The following ZNG1B variants were observed in gnomAD, a reference collection of about 807,000 sequenced individuals.
ZNG1B encodes zinc-regulated GTPase metalloprotein activator 1B.
the ZNG1B span, among the ~76,000 whole-genome samples, chr2:113,471,965 C>T: frequency 6.6e-6 from 1 of 151,900 alleles, no homozygotes; most frequent in African/African-American, 2.4e-5. Context: ...GTCTTTATAG[C>T]AGCATGATTT....
At chr2:113,469,208 ATC>A in the ZNG1B span, 1 of 152,064 alleles carries the variant, frequency 6.6e-6, no homozygotes, top group Non-Finnish European at 1.5e-5. Context: ...CGGTGGTGCG[ATC>A]TCGGCTCACT....
At chr2:113,466,786 T>C in the ZNG1B span, 2 of 956,642 alleles carry the variant, frequency 2.1e-6, no homozygotes, top group Admixed American at 1.2e-4. Flanking sequence ...AGATTTGGGC[T>C]GGGCGCGGTG....
At chr2:113,475,571 T>A in the ZNG1B span, among the ~76,000 whole-genome samples, 1 of 152,000 alleles carries the variant, frequency 6.6e-6, no homozygotes, top group Non-Finnish European at 1.5e-5. Flanking sequence ...GTTGATGCAG[T>A]TTCTTCCTAG....
the ZNG1B span, chr2:113,439,185 G>A: frequency 7.8e-7 from 1 of 1,284,492 alleles, no homozygotes; most frequent in Non-Finnish European, 1.1e-6. Context: ...CAGCAACCTT[G>A]TTGCTGAATC....
the ZNG1B span, among the ~76,000 whole-genome samples, chr2:113,461,253 A>T: frequency 1.3e-5 from 2 of 149,196 alleles, no homozygotes; most frequent in Non-Finnish European, 3.0e-5. Flanking sequence ...TTTTATTTTT[A>T]TTTTTTTTAG....
the ZNG1B span, among the ~76,000 whole-genome samples, chr2:113,493,056 C>G: frequency 1.6e-5 from 2 of 127,296 alleles, no homozygotes; most frequent in African/African-American, 2.9e-5. Flanking sequence ...AGAGATTTAT[C>G]AAGATAAAGA....
At chr2:113,452,996 T>C in the ZNG1B span, 515 of 1,436,982 alleles carry the variant, frequency 3.6e-4, 7 homozygotes, top group East Asian at 0.012. Context: ...CTATAAATAG[T>C]GAAAGCTTCT....
At chr2:113,474,881 C>T in the ZNG1B span, among the ~76,000 whole-genome samples, 1 of 150,814 alleles carries the variant, frequency 6.6e-6, no homozygotes, top group South Asian at 2.1e-4. Context: ...TGTTCTTTTA[C>T]ATTTGCTGAG....
the ZNG1B span, among the ~76,000 whole-genome samples, chr2:113,472,938 C>T: frequency 6.6e-6 from 1 of 150,982 alleles, no homozygotes; most frequent in Non-Finnish European, 1.5e-5. Flanking sequence ...CAGCTTTGTT[C>T]TTTTGGCTTA....
At chr2:113,495,984 G>A in the ZNG1B span, 1 of 422,636 alleles carries the variant, frequency 2.4e-6, no homozygotes, top group Non-Finnish European at 3.9e-6. Context: ...TTTGAAATTG[G>A]CTTTGGAGTT....
the ZNG1B span, among the ~76,000 whole-genome samples, chr2:113,475,014 G>A: frequency 2.1e-5 from 3 of 144,596 alleles, no homozygotes; most frequent in Admixed American, 7.0e-5. Context: ...TCTGCTTGGT[G>A]CAGAGCTGAG....
chr2:113,445,192 A>G, the ZNG1B span: 1 of 1,100,320 alleles, frequency 9.1e-7, no homozygotes, highest in Non-Finnish European at 1.3e-6. Flanking sequence ...TTAAAAGAGG[A>G]AAAGTACTCG....
the ZNG1B span, among the ~76,000 whole-genome samples, chr2:113,476,048 T>C: frequency 1.3e-5 from 2 of 151,902 alleles, no homozygotes; most frequent in Non-Finnish European, 2.9e-5. Flanking sequence ...CCTTGCTAGA[T>C]TGGGGAAGTT....
chr2:113,478,410 G>A, the ZNG1B span, among the ~76,000 whole-genome samples: 11 of 151,866 alleles, frequency 7.2e-5, no homozygotes, highest in Non-Finnish European at 1.3e-4. Flanking sequence ...CAAGAAGCTG[G>A]GACCACAGGC....
chr2:113,473,409 A>C, the ZNG1B span, among the ~76,000 whole-genome samples: 43 of 147,024 alleles, frequency 2.9e-4, no homozygotes, highest in Non-Finnish European at 5.5e-4. Flanking sequence ...GGTTTTCTAG[A>C]TATATAATCA....
the ZNG1B span, among the ~76,000 whole-genome samples, chr2:113,471,912 T>C: frequency 6.7e-6 from 1 of 149,570 alleles, no homozygotes; most frequent in Non-Finnish European, 1.5e-5. Flanking sequence ...TTCCAAGTCT[T>C]TGCTATTGTG....
the ZNG1B span, among the ~76,000 whole-genome samples, chr2:113,473,806 T>C: frequency 6.8e-6 from 1 of 146,988 alleles, no homozygotes; most frequent in Non-Finnish European, 1.5e-5. Context: ...TTTGCATATA[T>C]TGAACCAGCC....
At chr2:113,439,134 C>A in the ZNG1B span, 1 of 1,462,006 alleles carries the variant, frequency 6.8e-7, no homozygotes, top group Non-Finnish European at 9.3e-7. Flanking sequence ...CAGTAGATCA[C>A]TGGAGAAAAT....
chr2:113,456,293 G>A, the ZNG1B span, among the ~76,000 whole-genome samples: 10 of 152,074 alleles, frequency 6.6e-5, no homozygotes, highest in Admixed American at 6.6e-5. Flanking sequence ...TCCAATGACT[G>A]TTGAAAATCA....
Sources: allele counts gnomAD v4.1 joint callset (sites outside exome capture counted in the v4.1 genomes callset), GRCh38; gene constraint gnomAD v4.1.1; transcripts MANE v1.5; gene names NCBI Gene and HGNC (gene_info 2026-07-23, HGNC 2026-07-21).